The following COBLL1 variants were observed in gnomAD, a reference collection of about 807,000 sequenced individuals.
COBLL1 encodes the protein cordon-bleu WH2 repeat protein like 1.
A neutral mutation model predicts 94.8 loss-of-function variants in COBLL1; 50 were observed. The ratio of observed to expected loss-of-function variants is 0.53; its 90% CI spans 0.42 to 0.67. COBLL1 has a LOEUF of 0.67. COBLL1 is among the 30% of genes least tolerant of loss of function. COBLL1 has a pLI of 0.00. For synonymous variants in COBLL1, 448 were observed against 473.8 expected (o/e 0.95, Z 0.71); for missense variants, 1,362 against 1,348.7 (o/e 1.01, Z -0.15).
chr2:164,775,353 C>A (rs573786906), intron 2 of COBLL1, among the ~76,000 whole-genome samples: 1 of 152,264 alleles, frequency 6.6e-6, no homozygotes, highest in East Asian at 1.9e-4. Context: ...CATCATGGCA[C>A]TCTAAACATT....
intron 2 of COBLL1, among the ~76,000 whole-genome samples, chr2:164,818,250 GCA>G (rs372196857): frequency 6.8e-6 from 1 of 146,850 alleles, no homozygotes; most frequent in South Asian, 2.3e-4. Context: ...GTATACATGT[GCA>G]TATACACATA....
rs139832315 is a variant in COBLL1, at chr2:164,818,144, G to T, written c.41+23012C>A. On this transcript the variant is annotated intron_variant, in intron 2 of 13. Transcript: ENST00000652658. ...CATGTACATATATGTACATGTATATGTACATGTATACGTGTATGTATACAT... is the reference window on the plus strand; with the variant it reads ...CATGTACATATATGTACATGTATATTTACATGTATACGTGTATGTATACAT... Among the ~76,000 whole-genome samples the T allele has an allele frequency of 9.0e-3, 1,352 of 149,978 alleles. 15 individuals are homozygous for T. Among genetic ancestry groups the T allele is most frequent in the African/African-American group, 0.031 (1,245 of 40,684 alleles).
intron 2 of COBLL1, among the ~76,000 whole-genome samples, chr2:164,804,871 G>A (rs1684009547): frequency 6.6e-6 from 1 of 152,064 alleles, no homozygotes; most frequent in South Asian, 2.1e-4. Flanking sequence ...ACCACACATG[G>A]ACTCTCTGAC....
intron 2 of COBLL1, chr2:164,840,917 C>T: frequency 7.7e-6 from 3 of 390,398 alleles, no homozygotes; most frequent in Non-Finnish European, 9.0e-6. Flanking sequence ...ATTCAGCTGG[C>T]CTGTAGCAAC....
chr2:164,738,986 T>C (rs902029489), intron 3 of COBLL1, among the ~76,000 whole-genome samples: 1 of 152,174 alleles, frequency 6.6e-6, no homozygotes, highest in Non-Finnish European at 1.5e-5. Flanking sequence ...CTGTATCTTA[T>C]ATATAAATTA....
At chr2:164,763,768 T>C (rs937853835) in intron 2 of COBLL1, among the ~76,000 whole-genome samples, 1 of 152,152 alleles carries the variant, frequency 6.6e-6, no homozygotes, top group Non-Finnish European at 1.5e-5. Context: ...TGGAATATAA[T>C]AGAAACAATG....
At chr2:164,705,966 G>A (rs182566027) in intron 7 of COBLL1, among the ~76,000 whole-genome samples, 261 of 152,296 alleles carry the variant, frequency 1.7e-3, no homozygotes, top group African/African-American at 5.8e-3. Flanking sequence ...TCCCAGAGGC[G>A]GAGGTGGCAG....
chr2:164,734,954 C>T (rs1342237245), intron 3 of COBLL1, among the ~76,000 whole-genome samples: 1 of 152,080 alleles, frequency 6.6e-6, no homozygotes. Context: ...CCAGAGGTGA[C>T]CCCAAGAACG....
chr2:164,674,116 A>C (rs944081421), intron 1 of COBLL1, among the ~76,000 whole-genome samples: 1 of 152,040 alleles, frequency 6.6e-6, no homozygotes, highest in Non-Finnish European at 1.5e-5. Flanking sequence ...TCTGGAGTGC[A>C]GTGGCGTAAT....
At chr2:164,704,205 A>G (rs1684463112) in intron 9 of COBLL1, among the ~76,000 whole-genome samples, 1 of 152,174 alleles carries the variant, frequency 6.6e-6, no homozygotes, top group South Asian at 2.1e-4. Context: ...GACCACATAG[A>G]AAAAGTACTC....
At chr2:164,664,160 T>C (rs893879405) in intron 2 of COBLL1, among the ~76,000 whole-genome samples, 2 of 152,178 alleles carry the variant, frequency 1.3e-5, no homozygotes, top group African/African-American at 4.8e-5. Flanking sequence ...CTGAGTATTG[T>C]TAAATGAAGT....
intron 5 of COBLL1, among the ~76,000 whole-genome samples, chr2:164,726,419 C>A (rs760779701): frequency 1.3e-5 from 2 of 151,844 alleles, no homozygotes; most frequent in Non-Finnish European, 2.9e-5. Context: ...AAAAAGACTT[C>A]CACAATTTAT....
At chr2:164,758,931 T>C (rs915633257) in intron 2 of COBLL1, among the ~76,000 whole-genome samples, 2 of 152,026 alleles carry the variant, frequency 1.3e-5, no homozygotes, top group Non-Finnish European at 2.9e-5. Flanking sequence ...CCAAAGGAAG[T>C]TAAAAAGTTT....
At chr2:164,676,251 A>G (rs1454452082), downstream of COBLL1, among the ~76,000 whole-genome samples, 1 of 152,164 alleles carries the variant, frequency 6.6e-6, no homozygotes, top group African/African-American at 2.4e-5. Context: ...ATGTGCCTTT[A>G]TATCTTTTAA....
chr2:164,702,464 T>C (rs2105449443), intron 9 of COBLL1, among the ~76,000 whole-genome samples: 1 of 146,344 alleles, frequency 6.8e-6, no homozygotes, highest in Non-Finnish European at 1.5e-5. Flanking sequence ...CTCAGCAAGC[T>C]GAGGCGGGAG....
At chr2:164,788,310 A>C (rs1682984620) in intron 2 of COBLL1, among the ~76,000 whole-genome samples, 1 of 152,188 alleles carries the variant, frequency 6.6e-6, no homozygotes, top group Admixed American at 6.5e-5. Context: ...TGATGTGCAG[A>C]TGTGACATTT....
Position 164,743,726 on chromosome 2 carries a change from A to AG in COBLL1, c.190dup (p.Leu64ProfsTer15). On this transcript the variant is annotated frameshift_variant, in exon 3 of 14. Transcript: ENST00000652658. LOFTEE classifies it high-confidence loss of function. ...AGTAGATTTGATAATATCCCCAGGTAGGACCACTGAGAGTTCAACGTCTTT... is the reference window on the plus strand; with the variant it reads ...AGTAGATTTGATAATATCCCCAGGTAGGGACCACTGAGAGTTCAACGTCTTT... 6.2e-7 allele frequency: 1 copy of AG among 1,613,638 alleles called. No homozygotes were observed. The highest frequency in any genetic ancestry group is 8.5e-7 in the Non-Finnish European group (1 of 1,179,728).
At chr2:164,714,912 T>C (rs1226739326) in intron 7 of COBLL1, among the ~76,000 whole-genome samples, 17 of 152,210 alleles carry the variant, frequency 1.1e-4, no homozygotes, top group Admixed American at 1.1e-3. Context: ...GAAATCCATA[T>C]TAATTCCACA....
intron 2 of COBLL1, among the ~76,000 whole-genome samples, chr2:164,815,832 G>C (rs1260467975): frequency 6.6e-6 from 1 of 152,058 alleles, no homozygotes; most frequent in Non-Finnish European, 1.5e-5. Flanking sequence ...CAAGAGAAAG[G>C]GAAGGGGTTA....
Sources: allele counts gnomAD v4.1 joint callset (sites outside exome capture counted in the v4.1 genomes callset), GRCh38; gene constraint gnomAD v4.1.1; transcripts MANE v1.5; gene names NCBI Gene and HGNC (gene_info 2026-07-23, HGNC 2026-07-21).